Variants in ESRRG observed in about 807,000 individuals in gnomAD.
ESRRG encodes the protein estrogen-related receptor gamma.
Under a neutral mutation model 44.0 loss-of-function variants are expected in ESRRG, and 13 were observed. The ratio of observed to expected loss-of-function variants is 0.30; its 90% CI spans 0.19 to 0.47. The LOEUF is 0.47. Among genes scored for constraint, ESRRG ranks in the 20% least tolerant of loss-of-function variants. ESRRG has a pLI of 1.00. For missense variants in ESRRG, 395 were observed against 580.6 expected, an observed-to-expected ratio of 0.68 and a Z score of 3.29; for synonymous variants, 215 against 214.6, an observed-to-expected ratio of 1.00 and a Z score of -0.02.
chr1:216,744,745 GTTC>G (rs1462356438), intron 2 of ESRRG, among the ~76,000 whole-genome samples: 1 of 152,118 alleles, frequency 6.6e-6, no homozygotes, highest in Admixed American at 6.6e-5. Context: ...TCTTCCATCT[GTTC>G]TTCTAGCAAT....
At chr1:216,744,528 A>G (rs921644206) in intron 2 of ESRRG, among the ~76,000 whole-genome samples, 1 of 152,040 alleles carries the variant, frequency 6.6e-6, no homozygotes, top group Admixed American at 6.6e-5. Context: ...ACACACTCCT[A>G]AAAGCAAACG....
At chr1:216,579,017 A>G (rs1486149905) in intron 3 of ESRRG, among the ~76,000 whole-genome samples, 1 of 152,180 alleles carries the variant, frequency 6.6e-6, no homozygotes, top group African/African-American at 2.4e-5. Flanking sequence ...ATGTATATTC[A>G]TTAAAATGAA....
intron 2 of ESRRG, among the ~76,000 whole-genome samples, chr1:216,745,297 C>T (rs2091262170): frequency 6.6e-6 from 1 of 152,058 alleles, no homozygotes; most frequent in Admixed American, 6.6e-5. Flanking sequence ...ATAGTTGGGA[C>T]AACAGGCACA....
intron 1 of ESRRG, among the ~76,000 whole-genome samples, chr1:216,696,398 A>T (rs1418667563): frequency 6.6e-6 from 1 of 152,156 alleles, no homozygotes; most frequent in African/African-American, 2.4e-5. Context: ...TTTATTCTTT[A>T]ATTTTCTTAA....
At chr1:216,556,454 A>C (rs2057596981) in intron 5 of ESRRG, among the ~76,000 whole-genome samples, 1 of 152,312 alleles carries the variant, frequency 6.6e-6, no homozygotes, top group Admixed American at 6.5e-5. Context: ...AATCCTCAGC[A>C]CTCAGGAATT....
intron 5 of ESRRG, among the ~76,000 whole-genome samples, chr1:216,525,941 C>T (rs1572283208): frequency 6.6e-6 from 1 of 152,064 alleles, no homozygotes; most frequent in Admixed American, 6.6e-5. Flanking sequence ...CAAGGGGTCC[C>T]CATCAAATTT....
intron 1 of ESRRG, among the ~76,000 whole-genome samples, chr1:217,062,323 AG>A (rs1239128683): frequency 2.6e-5 from 4 of 152,178 alleles, no homozygotes; most frequent in African/African-American, 9.7e-5. Context: ...ACTTTATAAG[AG>A]TGAGAAGGAT....
rs963847334 is a variant in ESRRG, at chr1:216,889,685, AT to A, written c.-14+49896del. ...AAAAGCAGGTATTTATAGTTTTAAC[AT>A]TTTTTTTGTTTTGTTTGCCAACAGT... On this transcript the variant is annotated intron_variant, in intron 2 of 7. Transcript: ENST00000359162. 2.6e-5 allele frequency among the ~76,000 whole-genome samples: 4 copies of A among 152,086 alleles called. No homozygotes were observed. The South Asian group carries it at 6.2e-4, about 24-fold the overall frequency.
rs557584934 is a variant in ESRRG, at chr1:216,894,508, A to G, written c.-14+45074T>C. On this transcript the variant is annotated intron_variant, in intron 2 of 7. Coordinates refer to the ESRRG transcript ENST00000359162. The stretch of plus-strand genomic sequence containing the variant: ...ATGCTTGGGTAGAGTAGCTGTGTTT[A>G]TTTCTCTTGGTGGCATCTAATCTCT... Among the ~76,000 whole-genome samples the G allele has an allele frequency of 1.2e-4, 18 of 152,198 alleles. No individual in the cohort carries two copies. The South Asian group carries it at 2.3e-3, about 19-fold the overall frequency.
At chr1:216,984,524 C>T (rs2074546848) in intron 1 of ESRRG, among the ~76,000 whole-genome samples, 1 of 152,154 alleles carries the variant, frequency 6.6e-6, no homozygotes, top group African/African-American at 2.4e-5. Flanking sequence ...TTAACCATTC[C>T]TATAATGGGA....
chr1:216,539,776 A>G (rs2149248160), intron 5 of ESRRG, among the ~76,000 whole-genome samples: 1 of 152,184 alleles, frequency 6.6e-6, no homozygotes, highest in Non-Finnish European at 1.5e-5. Context: ...TTGTGAATTT[A>G]GTAGTTTTAT....
At chr1:216,899,718 A>G (rs2576203) in intron 2 of ESRRG, among the ~76,000 whole-genome samples, 34,514 of 152,082 alleles carry the variant, frequency 0.23, 6,118 homozygotes, top group African/African-American at 0.49. Context: ...TACAGAAGCT[A>G]TCAGAGATAC....
intron 5 of ESRRG, among the ~76,000 whole-genome samples, chr1:216,550,199 C>T (rs2055856124): frequency 6.6e-6 from 1 of 152,122 alleles, no homozygotes; most frequent in Non-Finnish European, 1.5e-5. Context: ...TGTGTAATTA[C>T]GTCCATCTAT....
chr1:217,035,022 G>A (rs1283644524), intron 1 of ESRRG, among the ~76,000 whole-genome samples: 1 of 152,264 alleles, frequency 6.6e-6, no homozygotes. Context: ...CTTGCTGATG[G>A]AGAACAAGAT....
chr1:216,903,212 A>G (rs2149500897), intron 2 of ESRRG, among the ~76,000 whole-genome samples: 1 of 152,226 alleles, frequency 6.6e-6, no homozygotes, highest in Admixed American at 6.5e-5. Flanking sequence ...AGTGCTACAT[A>G]ATGCTGCACT....
chr1:217,114,250 T>C (rs2092694015), intron 1 of ESRRG, among the ~76,000 whole-genome samples: 1 of 151,944 alleles, frequency 6.6e-6, no homozygotes, highest in Non-Finnish European at 1.5e-5. Context: ...CCTTAGAGGT[T>C]TCAGGAAGCC....
intron 2 of ESRRG, among the ~76,000 whole-genome samples, chr1:216,667,654 A>C (rs1932494): frequency 0.86 from 119,948 of 139,360 alleles, 51,651 homozygotes; most frequent in Admixed American, 0.89. Flanking sequence ...CCATTGCCCT[A>C]CAGCCTGGGT....
At chr1:216,581,853 T>C (rs1393379413) in intron 3 of ESRRG, among the ~76,000 whole-genome samples, 1 of 152,250 alleles carries the variant, frequency 6.6e-6, no homozygotes, top group African/African-American at 2.4e-5. Flanking sequence ...AATCATCCGA[T>C]GTTTAAGTGT....
intron 1 of ESRRG, among the ~76,000 whole-genome samples, chr1:217,125,647 T>C (rs1255944287): frequency 1.3e-5 from 2 of 152,202 alleles, no homozygotes; most frequent in Non-Finnish European, 1.5e-5. Context: ...TGTAAAACTA[T>C]ATGATAAAAA....
Sources: allele counts gnomAD v4.1 joint callset (sites outside exome capture counted in the v4.1 genomes callset), GRCh38; gene constraint gnomAD v4.1.1; transcripts MANE v1.5; gene names NCBI Gene and HGNC (gene_info 2026-07-23, HGNC 2026-07-21).